DOCK2: variants seen among roughly 807,000 people sequenced by gnomAD.
DOCK2 encodes dedicator of cytokinesis protein 2.
Under a neutral mutation model 248.9 loss-of-function variants are expected in DOCK2, and 87 were observed. The ratio of observed to expected loss-of-function variants is 0.35; its 90% CI spans 0.29 to 0.42. The LOEUF is 0.42. Among genes scored for constraint, DOCK2 ranks in the 10% least tolerant of loss-of-function variants. The pLI is 1.00. For synonymous variants in DOCK2, 805 were observed against 821.6 expected, an observed-to-expected ratio of 0.98 and a Z score of 0.35; for missense variants, 1,747 against 2,300.2, an observed-to-expected ratio of 0.76 and a Z score of 4.92.
chr5:169,684,565 G>C (rs572693616), intron 8 of DOCK2, among the ~76,000 whole-genome samples: 3 of 152,148 alleles, frequency 2.0e-5, no homozygotes, highest in African/African-American at 7.2e-5. Context: ...ATGGTTGTAG[G>C]GTTTTGTAAA....
intron 30 of DOCK2, among the ~76,000 whole-genome samples, chr5:169,997,701 C>A (rs1019721662): frequency 1.3e-5 from 2 of 150,404 alleles, no homozygotes; most frequent in Admixed American, 6.6e-5. Context: ...TCAGAGAGCA[C>A]GGGGTTGGGG....
rs116127168 is a variant in DOCK2, at chr5:169,949,318, G to C, written c.2800-33750G>C. Among the ~76,000 whole-genome samples the C allele has an allele frequency of 8.6e-3, 1,307 of 152,252 alleles. 9 individuals carry two copies. The highest frequency in any genetic ancestry group is 0.014 in the Non-Finnish European group (931 of 68,018). On this transcript the variant is annotated intron_variant, in intron 27 of 51. Coordinates refer to ENST00000520908, the MANE Select transcript of DOCK2 (RefSeq NM_004946.3). ...GAGGGAGATCATAATAATGTGGACA[G>C]AACTGTAAATAGAGGCACCTGGGAA...
intron 44 of DOCK2, among the ~76,000 whole-genome samples, chr5:170,059,309 C>A (rs1205924409): frequency 6.6e-6 from 1 of 152,044 alleles, no homozygotes; most frequent in Non-Finnish European, 1.5e-5. Context: ...ATTTAATTCT[C>A]ATAGACCCCA....
chr5:169,792,468 T>TGTGC (rs952323193), intron 25 of DOCK2, among the ~76,000 whole-genome samples: 4 of 151,900 alleles, frequency 2.6e-5, no homozygotes, highest in African/African-American at 9.7e-5. Context: ...TGTGTGTGTG[T>TGTGC]GTGCATATAT....
At chr5:169,968,158 A>G (rs1279218321) in intron 27 of DOCK2, among the ~76,000 whole-genome samples, 1 of 152,238 alleles carries the variant, frequency 6.6e-6, no homozygotes, top group Non-Finnish European at 1.5e-5. Flanking sequence ...TAATCTCATG[A>G]GAAATGGCCA....
rs141993294 is a variant in DOCK2 at position 169,777,725 on chromosome 5, G to A, written c.2554+16100G>A. On this transcript the variant is annotated intron_variant, in intron 25 of 51. Transcript: ENST00000520908. ...AGACGGTTGACCTCACTGGTTTCCCGTGAGCATTGAATGTGATGTTGCCGG... is the reference window on the plus strand; with the variant it reads ...AGACGGTTGACCTCACTGGTTTCCCATGAGCATTGAATGTGATGTTGCCGG... Among the ~76,000 whole-genome samples, 36 of 152,314 alleles carry A rather than the reference G, an allele frequency of 2.4e-4. No individual in the cohort carries two copies. The East Asian group carries it at 3.9e-3, about 16-fold the overall frequency.
At chr5:170,070,680 A>C (rs968944045) in intron 46 of DOCK2, among the ~76,000 whole-genome samples, 5 of 152,216 alleles carry the variant, frequency 3.3e-5, no homozygotes, top group African/African-American at 1.2e-4. Context: ...GGGAAGGCTA[A>C]CATGTCATAC....
chr5:170,002,387 T>C (rs1240094175), intron 30 of DOCK2, among the ~76,000 whole-genome samples: 5 of 152,188 alleles, frequency 3.3e-5, no homozygotes, highest in South Asian at 2.1e-4. Context: ...CAAGATATAT[T>C]GGTAAGAGAA....
At chr5:169,988,310 G>T (rs1185637870) in intron 29 of DOCK2, among the ~76,000 whole-genome samples, 1 of 151,890 alleles carries the variant, frequency 6.6e-6, no homozygotes, top group South Asian at 2.1e-4. Context: ...TGTTGCAAAG[G>T]CTTTACATGA....
intron 44 of DOCK2, among the ~76,000 whole-genome samples, chr5:170,065,006 C>T (rs1415449607): frequency 6.6e-6 from 1 of 151,458 alleles, no homozygotes; most frequent in African/African-American, 2.4e-5. Flanking sequence ...AATCAATTAT[C>T]TAGTATAAAG....
Position 169,982,949 on chromosome 5 carries a change from A to C in DOCK2, c.2800-119A>C, listed in dbSNP as rs924532226. The C allele has an allele frequency of 1.9e-5, 18 of 934,922 alleles. No individual in the cohort carries two copies. In the African/African-American group the frequency reaches 2.7e-4, roughly 14 times the overall value. The allele number at this position is 934,922 out of a possible 1,614,324, so 57.9% of individuals were successfully genotyped here. ...GCACTGCTATTACAGTCCCAGGCAC[A>C]TAATAGTACTCAGTAAATACTTTAT... On this transcript the variant is annotated intron_variant, in intron 27 of 51. Transcript: ENST00000520908.
intron 27 of DOCK2, among the ~76,000 whole-genome samples, chr5:169,959,995 G>A (rs1168927996): frequency 6.6e-6 from 1 of 152,246 alleles, no homozygotes; most frequent in African/African-American, 2.4e-5. Flanking sequence ...ATTCGACCAT[G>A]TAAAGCTAGA....
chr5:169,713,932 T>C, intron 17 of DOCK2, 96 bp from the exon 18 acceptor site: 1 of 1,373,664 alleles, frequency 7.3e-7, no homozygotes, highest in South Asian at 1.6e-5. Flanking sequence ...TTTATGACTC[T>C]CCCCACTTCA....
chr5:169,789,201 C>G lies in DOCK2; in HGVS notation c.2555-13857C>G, dbSNP rs570298295. Among the ~76,000 whole-genome samples the G allele has an allele frequency of 5.3e-5, 8 of 152,296 alleles. No individual in the cohort carries two copies. The South Asian group carries it at 1.7e-3, about 32-fold the overall frequency. ...GACATGATCTTGTTCTTTTTTATGG[C>G]CACATAGTATTCCATGGTGTATATG... On this transcript the variant is annotated intron_variant, in intron 25 of 51. Coordinates refer to ENST00000520908, the MANE Select transcript of DOCK2 (RefSeq NM_004946.3).
At chr5:169,912,815 A>G (rs934131359) in intron 27 of DOCK2, among the ~76,000 whole-genome samples, 1 of 152,060 alleles carries the variant, frequency 6.6e-6, no homozygotes, top group Non-Finnish European at 1.5e-5. Flanking sequence ...CAGAGTGTTG[A>G]GATTTTTTTT....
intron 25 of DOCK2, among the ~76,000 whole-genome samples, chr5:169,768,396 G>C (rs1764909265): frequency 6.6e-6 from 1 of 152,168 alleles, no homozygotes; most frequent in Non-Finnish European, 1.5e-5. Flanking sequence ...TTCTTATGAG[G>C]ACTAAAAAGG....
intron 27 of DOCK2, chr5:169,875,438 G>A (rs368368218): frequency 2.6e-5 from 10 of 383,996 alleles, no homozygotes; most frequent in South Asian, 1.2e-4. Flanking sequence ...AGTGACAATC[G>A]AACATTCCAC....
chr5:169,953,384 G>A (rs187270463), intron 27 of DOCK2, among the ~76,000 whole-genome samples: 47 of 151,994 alleles, frequency 3.1e-4, no homozygotes, highest in Admixed American at 7.9e-4. Context: ...AATAAGACTG[G>A]AGTGTGAGTC....
intron 27 of DOCK2, among the ~76,000 whole-genome samples, chr5:169,971,453 A>C (rs1229003457): frequency 1.3e-5 from 2 of 149,236 alleles, no homozygotes; most frequent in African/African-American, 4.9e-5. Flanking sequence ...TTTTCATGAA[A>C]GACATCAGAA....
Sources: allele counts gnomAD v4.1 joint callset (sites outside exome capture counted in the v4.1 genomes callset), GRCh38; gene constraint gnomAD v4.1.1; transcripts MANE v1.5; gene names NCBI Gene and HGNC (gene_info 2026-07-23, HGNC 2026-07-21).